PDXP: variants seen among roughly 807,000 people sequenced by gnomAD.
The protein encoded by PDXP is pyridoxal phosphatase, also known as chronophin.
A neutral mutation model predicts 14.4 loss-of-function variants in PDXP; 15 were observed. The observed-to-expected ratio is 1.04, with a 90% CI of 0.70 to 1.60. The LOEUF (loss-of-function observed/expected upper bound fraction) is 1.60. PDXP is among the 40% of genes most tolerant of loss of function. The pLI, the probability that PDXP is intolerant of heterozygous loss-of-function variation, is 0.00. For missense variants in PDXP, 413 were observed against 427.6 expected (o/e 0.97, Z 0.30); for synonymous variants, 233 against 205.6 (o/e 1.13, Z -1.14).
chr22:37,660,028 G>A (rs144220841), intron 1 of PDXP, among the ~76,000 whole-genome samples: 10 of 152,260 alleles, frequency 6.6e-5, no homozygotes, highest in African/African-American at 2.2e-4. Context: ...CAAGTAAAGA[G>A]ACTGAGGCAG....
chr22:37,659,992 G>A (rs1354458828), intron 1 of PDXP, among the ~76,000 whole-genome samples: 1 of 152,144 alleles, frequency 6.6e-6, no homozygotes, highest in African/African-American at 2.4e-5. Context: ...AATTACTCTG[G>A]AGATGGAAGT....
At chr22:37,661,780 G>A (rs1221545605) in intron 1 of PDXP, among the ~76,000 whole-genome samples, 1 of 152,070 alleles carries the variant, frequency 6.6e-6, no homozygotes, top group African/African-American at 2.4e-5. Flanking sequence ...GCTCCATCCT[G>A]GTGGGGAAGG....
rs143699974 is a variant in PDXP at position 37,665,778 on chromosome 22, G to A, written c.798G>A (p.Glu266=). ...LTLTGVSRLE[E]AQAYLAAGQH... ...TCACAGGAGTCTCCCGCCTAGAAGA[G>A]GCCCAGGCCTACCTAGCGGCCGGCC... is the stretch of plus-strand genomic sequence containing the variant. Residue 266 remains glutamate (E), a synonymous_variant, in exon 2 of 2, where the codon GAG becomes GAA. Transcript: ENST00000215904. 31 of 1,614,122 alleles carry A rather than the reference G, an allele frequency of 1.9e-5. No individual in the cohort carries two copies. The African/African-American group carries it at 3.7e-4, about 19-fold the overall frequency.
intron 1 of PDXP, among the ~76,000 whole-genome samples, chr22:37,663,919 CTTTTTTTTTTTT>C (rs11335821): frequency 6.1e-5 from 6 of 98,312 alleles, no homozygotes; most frequent in Admixed American, 2.1e-4. Flanking sequence ...AATACGTTGA[CTTTTTTTTTTTT>C]TTTTTTTTTT....
Position 37,665,757 on chromosome 22 carries a change from A to G in PDXP, c.777A>G (p.Thr259=). 2 of 1,614,120 alleles carry G rather than the reference A, an allele frequency of 1.2e-6. No homozygotes were observed. Among genetic ancestry groups the G allele is most frequent in the Non-Finnish European group, 1.7e-6 (2 of 1,180,042 alleles). The change falls in exon 2 of 2, where the codon ACA becomes ACG. Residue 259 remains threonine (T), a synonymous_variant. Coordinates refer to ENST00000215904, the MANE Select transcript of PDXP (RefSeq NM_020315.5). ...RCGMTTVLTL[T]GVSRLEEAQA... ...GCATGACCACTGTGCTCACGCTCAC[A>G]GGAGTCTCCCGCCTAGAAGAGGCCC...
chr22:37,660,521 G>T (rs991632099), intron 1 of PDXP, among the ~76,000 whole-genome samples: 3 of 152,216 alleles, frequency 2.0e-5, no homozygotes, highest in Admixed American at 6.5e-5. Context: ...GCCCTGCAGG[G>T]GAGGCAGAAG....
At position 37,659,170 on chromosome 22, in the gene PDXP, G is replaced by A; in HGVS notation, c.388G>A (p.Ala130Thr). ...AELRAAGLRLAGDPSAGDGAA... is the reference protein window; with the variant it reads ...AELRAAGLRLTGDPSAGDGAA... The stretch of plus-strand genomic sequence containing the variant: ...GCTGCGCGCCGCGGGGCTGCGCCTG[G>A]CCGGGGACCCGAGCGCGGGGGACGG... The change falls in exon 1 of 2, where the codon GCC becomes ACC. Residue 130 changes from alanine (A) to threonine (T), a missense_variant. Ala to Thr is a moderately conservative substitution (Grantham distance 58, BLOSUM62 0). Transcript: ENST00000215904. The A allele has an allele frequency of 1.7e-6, 2 of 1,144,214 alleles. No homozygotes were observed. Among genetic ancestry groups the A allele is most frequent in the African/African-American group, 1.6e-5 (1 of 61,106 alleles). The allele number at this position is 1,144,214 out of a possible 1,614,324, so 70.9% of individuals were successfully genotyped here.
At chr22:37,661,580 G>A (rs1233055453) in intron 1 of PDXP, among the ~76,000 whole-genome samples, 1 of 152,198 alleles carries the variant, frequency 6.6e-6, no homozygotes, top group Non-Finnish European at 1.5e-5. Context: ...GGATTACAGA[G>A]TGGAGGGGAG....
At chr22:37,661,354 T>TGTGTG (rs1555890117) in intron 1 of PDXP, among the ~76,000 whole-genome samples, 5 of 80,982 alleles carry the variant, frequency 6.2e-5, no homozygotes, top group South Asian at 4.1e-4. Context: ...GTGGTGTGTG[T>TGTGTG]GTGTGGTGTG....
intron 1 of PDXP, among the ~76,000 whole-genome samples, chr22:37,661,021 G>C (rs952420677): frequency 6.6e-6 from 1 of 152,196 alleles, no homozygotes; most frequent in Admixed American, 6.5e-5. Context: ...AGCGGCAGCA[G>C]CTCCTGCCTG....
At chr22:37,663,276 C>A (rs1393079833) in intron 1 of PDXP, among the ~76,000 whole-genome samples, 1 of 150,028 alleles carries the variant, frequency 6.7e-6, no homozygotes, top group African/African-American at 2.5e-5. Flanking sequence ...TGCACTTAAG[C>A]CTGGGCAACA....
chr22:37,661,121 G>C (rs1189846391), intron 1 of PDXP, among the ~76,000 whole-genome samples: 1 of 152,148 alleles, frequency 6.6e-6, no homozygotes, highest in Non-Finnish European at 1.5e-5. Context: ...GGCTCAGGAA[G>C]GCTGGTTGTC....
Position 37,666,178 on chromosome 22 carries a change from T to A in PDXP, c.*307T>A, listed in dbSNP as rs747643188. 2.5e-5 allele frequency: 12 copies of A among 471,364 alleles called. No individual in the cohort carries two copies. The highest frequency in any genetic ancestry group is 4.4e-5 in the Non-Finnish European group (11 of 250,322). 29.2% of individuals were successfully genotyped at this position (471,364 alleles called of 1,614,324 possible). A position where few individuals can be genotyped will look rare whatever the true frequency, so the allele number is the denominator to read the frequency against. ...CTGGGCCCTGGTGCCTGCTGAAGAT[T>A]CCCTCTATCCCTGAGTACTTAGTCT... On this transcript the variant is annotated 3_prime_UTR_variant, in exon 2 of 2. Transcript: ENST00000215904.
rs371526050 is a variant in PDXP at position 37,665,752 on chromosome 22, C to T, written c.772C>T (p.Leu258Phe). The change falls in exon 2 of 2, where the codon CTC becomes TTC. Residue 258 changes from leucine to phenylalanine, a missense_variant. Leu to Phe is a conservative substitution (Grantham distance 22). Transcript: ENST00000215904. ...CTGCGGCATGACCACTGTGCTCACG[C>T]TCACAGGAGTCTCCCGCCTAGAAGA... ...HRCGMTTVLT[L>F]TGVSRLEEAQ... is the part of the protein sequence containing the mutation. 41 of 1,614,004 alleles carry T rather than the reference C, an allele frequency of 2.5e-5. No homozygotes were observed. The highest frequency in any genetic ancestry group is 3.4e-5 in the Non-Finnish European group (40 of 1,180,056).
chr22:37,666,732 G>A lies in PDXP; in HGVS notation c.*861G>A, dbSNP rs1471591565. ...TCATGGTACCCGTACAGCGTTGATG[G>A]CCACAGCTCGAAGGGGGGCTTTCGT... On this transcript the variant is annotated 3_prime_UTR_variant, in exon 2 of 2. Transcript: ENST00000215904. 6.0e-6 allele frequency: 1 copy of A among 167,092 alleles called. No homozygotes were observed. Among genetic ancestry groups the A allele is most frequent in the Admixed American group, 6.5e-5 (1 of 15,290 alleles). The allele number at this position is 167,092 out of a possible 1,614,324, so 10.4% of individuals were successfully genotyped here. A position where few individuals can be genotyped will look rare whatever the true frequency, so the allele number is the denominator to read the frequency against.
chr22:37,659,381 C>CT, intron 1 of PDXP, 25 bp downstream of exon 1: 6 of 1,289,010 alleles, frequency 4.7e-6, no homozygotes, highest in Non-Finnish European at 5.9e-6. Flanking sequence ...GGCGGGGAAA[C>CT]TGAGATGGGG....
chr22:37,662,696 T>C (rs1933227879), intron 1 of PDXP, among the ~76,000 whole-genome samples: 1 of 152,170 alleles, frequency 6.6e-6, no homozygotes, highest in Non-Finnish European at 1.5e-5. Context: ...GTTTTAAACA[T>C]TATCATTTAG....
intron 1 of PDXP, among the ~76,000 whole-genome samples, chr22:37,660,306 C>T (rs778054903): frequency 3.3e-5 from 5 of 152,204 alleles, no homozygotes; most frequent in Non-Finnish European, 7.3e-5. Context: ...TCCATCCTGC[C>T]TCTGGGAATT....
intron 1 of PDXP, 146 bp from the exon 2 acceptor site, chr22:37,665,409 C>T (rs921221481): frequency 1.5e-6 from 1 of 647,986 alleles, no homozygotes; most frequent in Non-Finnish European, 2.6e-6. Context: ...CCCTTAACCA[C>T]TACAGTGAGA....
Sources: gnomAD v4.1 joint callset for allele counts (sites outside exome capture counted in the v4.1 genomes callset) on GRCh38, gnomAD v4.1.1 for gene constraint, MANE v1.5 for transcripts, NCBI Gene and HGNC (gene_info 2026-07-23, HGNC 2026-07-21) for gene names.